The following APLP2 variants were observed in gnomAD, a reference collection of about 807,000 sequenced individuals.
APLP2 encodes the protein amyloid beta precursor like protein 2, also known as CDEI box-binding protein.
APLP2 carries 53 observed loss-of-function variants against 89.9 expected under a neutral mutation model. That is an observed-to-expected ratio of 0.59 (90% CI 0.47 to 0.74). APLP2 has a LOEUF of 0.74. Among genes scored for constraint, APLP2 ranks in the 30% least tolerant of loss-of-function variants. APLP2 has a pLI of 0.00. For synonymous variants in APLP2, 372 were observed against 348.6 expected, an observed-to-expected ratio of 1.07 and a Z score of -0.75; for missense variants, 973 against 975.9, an observed-to-expected ratio of 1.00 and a Z score of 0.04.
At position 130,144,391 on chromosome 11, in the gene APLP2, A is replaced by G. The variant is rs966123043; in HGVS notation, c.*943A>G. On this transcript the variant is annotated 3_prime_UTR_variant, in exon 17 of 17. Coordinates refer to ENST00000338167, the MANE Select transcript of APLP2 (RefSeq NM_001142276.2). ...CGGCCTTGTGACATTCACTCAGAGA[A>G]GACCACACCAAGGAGGCGGCCGCTG... 6.6e-6 allele frequency: 1 copy of G among 152,284 alleles called. No individual in the cohort carries two copies. The highest frequency in any genetic ancestry group is 1.5e-5 in the Non-Finnish European group (1 of 68,126). The allele number at this position is 152,284 out of a possible 1,614,324, so 9.4% of individuals were successfully genotyped here.
At chr11:130,132,819 CA>C (rs1951079716) in intron 11 of APLP2, among the ~76,000 whole-genome samples, 1 of 152,152 alleles carries the variant, frequency 6.6e-6, no homozygotes, top group African/African-American at 2.4e-5. Context: ...CTTCACTAAG[CA>C]AAATCCATAA....
intron 1 of APLP2, among the ~76,000 whole-genome samples, chr11:130,081,167 T>G (rs896299725): frequency 1.3e-5 from 2 of 152,198 alleles, no homozygotes; most frequent in African/African-American, 4.8e-5. Flanking sequence ...TTTCCTTCAT[T>G]TAACATATTG....
At chr11:130,124,428 G>A (rs1950162440) in intron 7 of APLP2, among the ~76,000 whole-genome samples, 1 of 152,208 alleles carries the variant, frequency 6.6e-6, no homozygotes, top group Non-Finnish European at 1.5e-5. Flanking sequence ...AGGAAGGTCA[G>A]TGGTTCAGTT....
At position 130,126,767 on chromosome 11, in the gene APLP2, G is replaced by A. The variant is rs111301435; in HGVS notation, c.1158G>A (p.Glu386=). The stretch of plus-strand genomic sequence containing the variant: ...TCGAGACCTCTGCAGATGATAATGA[G>A]CATGCTCGCTTCCAGAAGGCTAAGG... ...VYFETSADDN[E]HARFQKAKEQ... Residue 386 remains glutamate (E), a synonymous_variant, in exon 8 of 17, where the codon GAG becomes GAA. Transcript: ENST00000338167. 20,889 of 1,614,186 alleles carry A rather than the reference G, an allele frequency of 0.013. 210 individuals are homozygous for A. The highest frequency in any genetic ancestry group is 0.022 in the South Asian group (1,975 of 91,084).
chr11:130,115,794 A>G (rs553397384), intron 3 of APLP2, among the ~76,000 whole-genome samples: 49 of 152,368 alleles, frequency 3.2e-4, no homozygotes, highest in Non-Finnish European at 6.6e-4. Context: ...AAATTGTAGC[A>G]AAGGCAGAGA....
intron 8 of APLP2, 114 bp from the exon 9 acceptor site, chr11:130,127,652 G>C (rs1173650239): frequency 2.1e-5 from 18 of 847,580 alleles, no homozygotes; most frequent in Non-Finnish European, 2.4e-5. Flanking sequence ...TTGTGTGATT[G>C]GTTTCCTTTT....
intron 1 of APLP2, among the ~76,000 whole-genome samples, chr11:130,087,540 C>T (rs1944304162): frequency 6.6e-6 from 1 of 152,162 alleles, no homozygotes; most frequent in Non-Finnish European, 1.5e-5. Context: ...TCCCCATTCC[C>T]TGTCTGTGAT....
In APLP2 at chr11:130,123,810, G is replaced by A. The variant is rs1312798765; in HGVS notation, c.1090+31G>A. The A allele has an allele frequency of 1.9e-6, 3 of 1,608,046 alleles. No homozygotes were observed. In the South Asian group the frequency reaches 3.3e-5, roughly 18 times the overall value. On this transcript the variant is annotated intron_variant, in intron 7 of 16. Coordinates refer to ENST00000338167, the MANE Select transcript of APLP2 (RefSeq NM_001142276.2). The surrounding 1 kb of genome is among the most constrained non-coding windows in gnomAD (Gnocchi z 4.0). ...TCCTGCCTCGCGCTGGTCCCGTGCG[G>A]CAGCACCGTCCTGTCTGGCGTCCGT...
At position 130,078,164 on chromosome 11, in the gene APLP2, T is replaced by C. The variant is rs544738793; in HGVS notation, c.105+8082T>C. ...TAAACACTGTAGTTCAGTTTTTCTT[T>C]CTTTTTTTTTTTTTTTAGCTTCATA... On this transcript the variant is annotated intron_variant, in intron 1 of 16. Transcript: ENST00000338167. 2.7e-5 allele frequency among the ~76,000 whole-genome samples: 4 copies of C among 150,402 alleles called. No individual in the cohort carries two copies. In the South Asian group the frequency reaches 6.2e-4, roughly 23 times the overall value.
chr11:130,097,337 G>C (rs564706257), intron 1 of APLP2, among the ~76,000 whole-genome samples: 1 of 152,300 alleles, frequency 6.6e-6, no homozygotes, highest in Admixed American at 6.5e-5. Context: ...AGATTTTCTT[G>C]TTATAAGCAA....
intron 1 of APLP2, chr11:130,070,682 C>T (rs542967712): frequency 2.0e-6 from 3 of 1,477,696 alleles, no homozygotes; most frequent in African/African-American, 2.9e-5. Flanking sequence ...GGGGCCGGGT[C>T]GCGGACGCGC....
chr11:130,134,857 C>T (rs965168894), intron 12 of APLP2, among the ~76,000 whole-genome samples: 3 of 151,968 alleles, frequency 2.0e-5, no homozygotes, highest in African/African-American at 2.4e-5. Flanking sequence ...GGGAGCAGCT[C>T]GGGGATGGTG....
intron 6 of APLP2, among the ~76,000 whole-genome samples, chr11:130,122,917 C>T (rs1949986994): frequency 6.6e-6 from 1 of 151,894 alleles, no homozygotes; most frequent in African/African-American, 2.4e-5. Flanking sequence ...AATCTGTAGG[C>T]TGCCCTATTT....
rs1375799928 is a variant in APLP2, at chr11:130,107,340, A to G, written c.106-2089A>G. 4.6e-5 allele frequency among the ~76,000 whole-genome samples: 7 copies of G among 152,288 alleles called. No homozygotes were observed. The East Asian group carries it at 1.3e-3, about 29-fold the overall frequency. On this transcript the variant is annotated intron_variant, in intron 1 of 16. Transcript: ENST00000338167. ...AAAGTTAGAAGTATCCCAGATGGGG[A>G]TTGAGGGTTAGATTTTTCCTTTGCC...
chr11:130,070,416 C>T (rs1481715782), intron 1 of APLP2, among the ~76,000 whole-genome samples: 1 of 151,506 alleles, frequency 6.6e-6, no homozygotes, highest in Non-Finnish European at 1.5e-5. Flanking sequence ...CCGCCCCGCC[C>T]TCCCCCGGGA....
intron 1 of APLP2, among the ~76,000 whole-genome samples, chr11:130,073,979 A>G (rs1941640080): frequency 6.6e-6 from 1 of 152,184 alleles, no homozygotes; most frequent in Admixed American, 6.5e-5. Flanking sequence ...TTGCCAAATT[A>G]TTTGAGAGTA....
intron 1 of APLP2, among the ~76,000 whole-genome samples, chr11:130,072,415 G>A (rs1941280495): frequency 6.6e-6 from 1 of 152,060 alleles, no homozygotes; most frequent in African/African-American, 2.4e-5. Flanking sequence ...AGGTGGTATG[G>A]GAGATGTGTA....
rs149896664 is a variant in APLP2, at chr11:130,104,101, G to C, written c.106-5328G>C. ...TTCAGTACACGAAAATATCCCTGGG[G>C]TTTCCTTACCTTTATCTTTGGATAT... is the stretch of plus-strand genomic sequence containing the variant. On this transcript the variant is annotated intron_variant, in intron 1 of 16. Transcript: ENST00000338167. Among the ~76,000 whole-genome samples the C allele has an allele frequency of 2.7e-4, 41 of 151,014 alleles. 1 individual carries two copies. In the East Asian group the frequency reaches 7.6e-3, roughly 28 times the overall value.
intron 1 of APLP2, among the ~76,000 whole-genome samples, chr11:130,104,760 A>G (rs1008954): frequency 0.17 from 23,962 of 136,998 alleles, 3,408 homozygotes; most frequent in East Asian, 0.47. Context: ...TAATAAATGA[A>G]TATTCGTTCC....
Sources: gnomAD v4.1 joint callset for allele counts (sites outside exome capture counted in the v4.1 genomes callset) on GRCh38, gnomAD v4.1.1 for gene constraint, Gnocchi (gnomAD v3.1) non-coding constraint, MANE v1.5 for transcripts, NCBI Gene and HGNC (gene_info 2026-07-23, HGNC 2026-07-21) for gene names.